Variants in CDK14 observed in about 807,000 individuals in gnomAD.
The protein encoded by CDK14 is cyclin dependent kinase 14.
Under a neutral mutation model 60.7 loss-of-function variants are expected in CDK14, and 34 were observed. The ratio of observed to expected loss-of-function variants is 0.56; its 90% confidence interval spans 0.43 to 0.75. CDK14 has a LOEUF of 0.75. Ranked by LOEUF, CDK14 falls within the 30% of genes least tolerant of loss-of-function variation. The pLI, the probability that CDK14 is intolerant of heterozygous loss-of-function variation, is 0.00. For synonymous variants in CDK14, 197 were observed against 203.7 expected (o/e 0.97, Z 0.28); for missense variants, 482 against 564.1 (o/e 0.85, Z 1.47).
At chr7:90,833,986 A>G (rs1000335595) in intron 5 of CDK14, among the ~76,000 whole-genome samples, 3 of 152,186 alleles carry the variant, frequency 2.0e-5, no homozygotes, top group Non-Finnish European at 2.9e-5. Context: ...ATTTAGACCA[A>G]TTTACCCAAT....
At chr7:90,620,729 C>G (rs1266017762) in intron 2 of CDK14, among the ~76,000 whole-genome samples, 1 of 152,178 alleles carries the variant, frequency 6.6e-6, no homozygotes, top group African/African-American at 2.4e-5. Context: ...CTGCACGTGA[C>G]ATTTGGGCCA....
chr7:90,776,767 A>T (rs1406720573), intron 4 of CDK14, among the ~76,000 whole-genome samples: 2 of 152,214 alleles, frequency 1.3e-5, no homozygotes, highest in Non-Finnish European at 2.9e-5. Flanking sequence ...ACAGAATTTT[A>T]AAGAAATTTG....
At chr7:90,653,445 T>G (rs1293506865) in intron 2 of CDK14, among the ~76,000 whole-genome samples, 1 of 152,208 alleles carries the variant, frequency 6.6e-6, no homozygotes, top group East Asian at 1.9e-4. Context: ...CTGTGTCTCC[T>G]TCTATCCTTT....
intron 2 of CDK14, among the ~76,000 whole-genome samples, chr7:90,607,121 T>C (rs1008995660): frequency 2.6e-5 from 4 of 152,214 alleles, no homozygotes; most frequent in Non-Finnish European, 4.4e-5. Context: ...AAATGACAAT[T>C]TTATCACATC....
At chr7:90,819,634 T>A (rs12531888) in intron 5 of CDK14, among the ~76,000 whole-genome samples, 30,859 of 152,084 alleles carry the variant, frequency 0.2, 3,262 homozygotes, top group South Asian at 0.24. Flanking sequence ...AGATTTTAAA[T>A]CATGTAAAAT....
intron 9 of CDK14, among the ~76,000 whole-genome samples, chr7:90,982,736 G>A (rs558952161): frequency 1.3e-5 from 2 of 152,200 alleles, no homozygotes; most frequent in East Asian, 3.9e-4. Flanking sequence ...TCTGAGCCCA[G>A]TATAGTTGCA....
Position 90,841,659 on chromosome 7 carries a change from T to TACACACACACACACACACACACACAC in CDK14, c.545-21508_545-21483dup, listed in dbSNP as rs57434660. Among the ~76,000 whole-genome samples, 108 of 139,380 alleles carry TACACACACACACACACACACACACAC rather than the reference T, an allele frequency of 7.7e-4. 2 individuals are homozygous for TACACACACACACACACACACACACAC. Among genetic ancestry groups the TACACACACACACACACACACACACAC allele is most frequent in the Non-Finnish European group, 1.3e-3 (82 of 65,214 alleles). The allele number at this position is 139,380 out of a possible 152,430, so 91.4% of individuals were successfully genotyped here. The stretch of plus-strand genomic sequence containing the variant: ...GATATTTTCATCATATATATATATG[T>TACACACACACACACACACACACACAC]ACACACACACACACACACACACACA... On this transcript the variant is annotated intron_variant, in intron 5 of 14. Coordinates refer to ENST00000380050, the MANE Select transcript of CDK14 (RefSeq NM_001287135.2).
intron 11 of CDK14, among the ~76,000 whole-genome samples, chr7:91,060,919 T>C (rs761856801): frequency 7.2e-4 from 109 of 152,220 alleles, no homozygotes; most frequent in Non-Finnish European, 1.1e-3. Context: ...TGGCATTCTC[T>C]GTATTTCCTG....
intron 8 of CDK14, among the ~76,000 whole-genome samples, chr7:90,938,937 C>T (rs911770652): frequency 2.6e-5 from 4 of 152,204 alleles, no homozygotes; most frequent in East Asian, 1.9e-4. Flanking sequence ...TTTATTGTTT[C>T]GTACTTTGGC....
At chr7:91,098,560 G>C (rs1799075023) in intron 12 of CDK14, among the ~76,000 whole-genome samples, 1 of 151,680 alleles carries the variant, frequency 6.6e-6, no homozygotes, top group African/African-American at 2.4e-5. Flanking sequence ...AAAAAGAGAT[G>C]AGGAAACATC....
chr7:90,883,029 AG>A (rs1272474831), intron 6 of CDK14, among the ~76,000 whole-genome samples: 5 of 152,150 alleles, frequency 3.3e-5, no homozygotes, highest in Non-Finnish European at 5.9e-5. Context: ...CACAATTAAA[AG>A]AGCTAGAGAG....
At chr7:90,840,905 ATTG>A (rs1790266397) in intron 5 of CDK14, among the ~76,000 whole-genome samples, 1 of 12,354 alleles carries the variant, frequency 8.1e-5, no homozygotes, top group African/African-American at 3.5e-4. Flanking sequence ...TAACTTTTTC[ATTG>A]ACATTGTGTC....
chr7:90,739,631 C>T (rs548383064), intron 3 of CDK14, among the ~76,000 whole-genome samples: 45 of 152,200 alleles, frequency 3.0e-4, no homozygotes, highest in African/African-American at 1.0e-3. Context: ...CTTATACTTA[C>T]TCTAAGTAGT....
chr7:91,176,686 T>C (rs867585291), intron 14 of CDK14, among the ~76,000 whole-genome samples: 1,804 of 152,012 alleles, frequency 0.012, 29 homozygotes, highest in South Asian at 0.023. Flanking sequence ...AACACCTCTA[T>C]GCAAATAAAC....
chr7:90,609,096 G>T (rs191611867), intron 2 of CDK14, among the ~76,000 whole-genome samples: 1 of 151,988 alleles, frequency 6.6e-6, no homozygotes, highest in African/African-American at 2.4e-5. Context: ...GTGCCATCGC[G>T]GCTCACTGCA....
chr7:90,766,889 G>A (rs938733458), intron 4 of CDK14, among the ~76,000 whole-genome samples: 2 of 152,082 alleles, frequency 1.3e-5, no homozygotes, highest in African/African-American at 4.8e-5. Flanking sequence ...CAGCTCTGCC[G>A]CTCTGGCTGC....
intron 7 of CDK14, among the ~76,000 whole-genome samples, chr7:90,916,154 G>A (rs1450848435): frequency 1.3e-5 from 2 of 152,078 alleles, no homozygotes; most frequent in African/African-American, 4.8e-5. Flanking sequence ...TTTCTTAGAA[G>A]TTGTAAGCTT....
intron 5 of CDK14, among the ~76,000 whole-genome samples, chr7:90,801,297 G>A (rs1280506669): frequency 6.6e-6 from 1 of 152,186 alleles, no homozygotes; most frequent in Non-Finnish European, 1.5e-5. Flanking sequence ...AATAGACAAT[G>A]AATGAATATA....
intron 3 of CDK14, 79 bp downstream of exon 3, chr7:90,726,891 A>G (rs1802655963): frequency 3.3e-6 from 5 of 1,524,378 alleles, no homozygotes; most frequent in Non-Finnish European, 4.4e-6. Context: ...GCTGGAAGAC[A>G]GCAGGAAACT....
Sources: gnomAD v4.1 joint callset for allele counts (sites outside exome capture counted in the v4.1 genomes callset) on GRCh38, gnomAD v4.1.1 for gene constraint, MANE v1.5 for transcripts, NCBI Gene and HGNC (gene_info 2026-07-23, HGNC 2026-07-21) for gene names.